The following TNS1 variants were observed in gnomAD, a reference collection of about 807,000 sequenced individuals.
TNS1 encodes the protein tensin-1.
A neutral mutation model predicts 168.6 loss-of-function variants in TNS1; 62 were observed. The ratio of observed to expected loss-of-function variants is 0.37; its 90% CI spans 0.30 to 0.45. The LOEUF is 0.45. Among genes scored for constraint, TNS1 ranks in the 20% least tolerant of loss-of-function variants. The pLI is 1.00. For synonymous variants in TNS1, 934 were observed against 933.2 expected (o/e 1.00, Z -0.02); for missense variants, 2,240 against 2,339.4 (o/e 0.96, Z 0.88).
At chr2:217,833,301 TCC>T (rs1158533756) in intron 21 of TNS1, among the ~76,000 whole-genome samples, 1 of 152,188 alleles carries the variant, frequency 6.6e-6, no homozygotes, top group Admixed American at 6.5e-5. Context: ...TTCCCCCAGT[TCC>T]TGGGCAATTG....
intron 3 of TNS1, among the ~76,000 whole-genome samples, chr2:217,951,764 AAC>A (rs747468296): frequency 2.0e-5 from 3 of 151,452 alleles, no homozygotes; most frequent in South Asian, 2.1e-4. Context: ...AGCTTTATTC[AAC>A]ACACACACAC....
At chr2:217,858,273 A>C (rs1207668367) in intron 18 of TNS1, among the ~76,000 whole-genome samples, 1 of 152,014 alleles carries the variant, frequency 6.6e-6, no homozygotes, top group Non-Finnish European at 1.5e-5. Flanking sequence ...CCCAGAAGCA[A>C]GTCCAGGAAG....
intron 4 of TNS1, among the ~76,000 whole-genome samples, chr2:217,917,736 C>T (rs555120483): frequency 6.1e-5 from 9 of 148,334 alleles, no homozygotes; most frequent in Non-Finnish European, 8.9e-5. Context: ...GAGGCTGAGG[C>T]GGGAGAAATG....
intron 4 of TNS1, among the ~76,000 whole-genome samples, chr2:217,908,256 T>TGGTTTGATTTC (rs1187661777): frequency 1.3e-5 from 2 of 152,148 alleles, no homozygotes; most frequent in Non-Finnish European, 2.9e-5. Flanking sequence ...GCAGAAGGGC[T>TGGTTTGATTTC]TCCTACTAAA....
At chr2:217,823,703 C>A (rs1192607215) in intron 22 of TNS1, among the ~76,000 whole-genome samples, 1 of 152,212 alleles carries the variant, frequency 6.6e-6, no homozygotes. Context: ...CCATACAGAA[C>A]CCCCTCCACC....
chr2:217,823,170 C>A (rs1256539677), intron 22 of TNS1, among the ~76,000 whole-genome samples: 2 of 152,134 alleles, frequency 1.3e-5, no homozygotes, highest in African/African-American at 4.8e-5. Flanking sequence ...CTAACCAGGG[C>A]CAGTACACTT....
rs1433468124 is a variant in TNS1, at chr2:217,995,528, G to T, written c.34-4472C>A. Among the ~76,000 whole-genome samples, 2 of 152,202 alleles carry T rather than the reference G, an allele frequency of 1.3e-5. No individual in the cohort carries two copies. Among genetic ancestry groups the T allele is most frequent in the African/African-American group, 4.8e-5 (2 of 41,528 alleles). On this transcript the variant is annotated intron_variant, in intron 1 of 32. Transcript: ENST00000682258. This position sits in a 1 kb window ranked among gnomAD's most constrained non-coding sequence, Gnocchi z 4.1. ...CTGGTACCTACCCAGCCCTCCCCCC[G>T]GGTTGTTCTGCAGGTACAGGCAGAG...
intron 3 of TNS1, among the ~76,000 whole-genome samples, chr2:217,958,336 G>A (rs1957414827): frequency 6.6e-6 from 1 of 152,206 alleles, no homozygotes; most frequent in East Asian, 1.9e-4. Context: ...GCCCCTTCAT[G>A]GGAAGCTGAC....
At chr2:217,975,594 C>G (rs1035675538) in intron 3 of TNS1, among the ~76,000 whole-genome samples, 15 of 152,212 alleles carry the variant, frequency 9.9e-5, no homozygotes, top group Admixed American at 6.5e-4. Flanking sequence ...AAAAGGAGAC[C>G]AAGCAAAGCT....
intron 18 of TNS1, among the ~76,000 whole-genome samples, chr2:217,851,326 C>CAA (rs1947453297): frequency 6.6e-6 from 1 of 152,018 alleles, no homozygotes; most frequent in South Asian, 2.1e-4. Context: ...AGTGATCAGA[C>CAA]AACCACAAAA....
At chr2:217,946,961 TCTCTCTCTCA>T (rs1271291219) in intron 3 of TNS1, among the ~76,000 whole-genome samples, 3 of 133,866 alleles carry the variant, frequency 2.2e-5, no homozygotes, top group African/African-American at 1.1e-4. Context: ...TCTCTCTCTC[TCTCTCTCTCA>T]CACACACACA....
intron 32 of TNS1, 55 bp from the exon 33 acceptor site, chr2:217,804,658 G>A (rs1938103529): frequency 6.2e-7 from 1 of 1,605,604 alleles, no homozygotes; most frequent in African/African-American, 1.3e-5. Context: ...AACCCCAGGA[G>A]GTGGACAGCA....
At chr2:217,938,843 G>A (rs189447764) in intron 3 of TNS1, among the ~76,000 whole-genome samples, 1 of 152,184 alleles carries the variant, frequency 6.6e-6, no homozygotes, top group East Asian at 1.9e-4. Flanking sequence ...CCTCCGGAGG[G>A]CCGCTCAGCT....
chr2:217,947,558 ACAG>A (rs1221278452), intron 3 of TNS1, among the ~76,000 whole-genome samples: 2 of 152,140 alleles, frequency 1.3e-5, no homozygotes, highest in Non-Finnish European at 2.9e-5. Context: ...GCCTGGAGCA[ACAG>A]AGAGGCCATT....
In TNS1 at chr2:217,814,976, A is replaced by G. The variant is rs1364416309; in HGVS notation, c.4665T>C (p.Ala1555=). 2 of 1,613,206 alleles carry G rather than the reference A, an allele frequency of 1.2e-6. No individual in the cohort carries two copies. Among genetic ancestry groups the G allele is most frequent in the Non-Finnish European group, 1.7e-6 (2 of 1,179,726 alleles). ...AAGTGTCCTGGACAAACTTCACTTT[A>G]GCCCGCGTCTCCGGGCTGTTGTCTA... ...SMPDNSPETR[A]KVKFVQDTSK... Residue 1555 remains alanine, a synonymous_variant, in exon 25 of 33, where the codon GCT becomes GCC. Coordinates refer to ENST00000682258, the MANE Select transcript of TNS1 (RefSeq NM_001387777.1).
At chr2:218,031,076 GTT>G (rs1281327098) in intron 1 of TNS1, among the ~76,000 whole-genome samples, 3 of 146,980 alleles carry the variant, frequency 2.0e-5, no homozygotes, top group African/African-American at 8.1e-5. Context: ...GTATGTGTGT[GTT>G]TGTGAGTGTG....
chr2:217,882,464 C>T, intron 16 of TNS1, 53 bp from the exon 17 acceptor site: 1 of 1,327,154 alleles, frequency 7.5e-7, no homozygotes, highest in East Asian at 2.3e-5. Context: ...AAAAAGGATT[C>T]CATAAAAAGT....
chr2:217,822,140 AG>A (rs1253542552), intron 22 of TNS1, among the ~76,000 whole-genome samples: 2 of 151,980 alleles, frequency 1.3e-5, no homozygotes, highest in African/African-American at 4.8e-5. Flanking sequence ...TGCTCAGAGG[AG>A]GGGGCCCTGA....
intron 18 of TNS1, chr2:217,858,562 G>A (rs1254268156): frequency 2.0e-6 from 2 of 986,120 alleles, no homozygotes; most frequent in African/African-American, 1.7e-5. Flanking sequence ...GGTGCCCCAA[G>A]TTCCCAATAA....
Sources: gnomAD v4.1 joint callset for allele counts (sites outside exome capture counted in the v4.1 genomes callset) on GRCh38, gnomAD v4.1.1 for gene constraint, Gnocchi (gnomAD v3.1) non-coding constraint, MANE v1.5 for transcripts, NCBI Gene and HGNC (gene_info 2026-07-23, HGNC 2026-07-21) for gene names.